KCNH7: variants seen among roughly 807,000 people sequenced by gnomAD.
KCNH7 encodes potassium voltage-gated channel subfamily H member 7, also known as voltage-gated inwardly rectifying potassium channel KCNH7.
In KCNH7, 49 loss-of-function variants were observed where a neutral mutation model predicts 120.8. The ratio of observed to expected loss-of-function variants is 0.41; its 90% CI spans 0.32 to 0.51. KCNH7 has a LOEUF of 0.51. Ranked by LOEUF, KCNH7 falls within the 20% of genes least tolerant of loss-of-function variation. KCNH7 has a pLI of 0.38. For missense variants in KCNH7, 1,097 were observed against 1,446.6 expected (o/e 0.76, Z 3.92); for synonymous variants, 547 against 516.1 (o/e 1.06, Z -0.81).
At chr2:162,562,660 G>A (rs1472144022) in intron 2 of KCNH7, among the ~76,000 whole-genome samples, 1 of 152,162 alleles carries the variant, frequency 6.6e-6, no homozygotes, top group Non-Finnish European at 1.5e-5. Context: ...GGAAGCTGAG[G>A]GTGTTGACAG....
intron 2 of KCNH7, among the ~76,000 whole-genome samples, chr2:162,644,141 G>GA (rs1684268244): frequency 6.6e-6 from 1 of 151,876 alleles, no homozygotes; most frequent in Non-Finnish European, 1.5e-5. Flanking sequence ...GGCAAATTCA[G>GA]AAAAACAAAT....
intron 2 of KCNH7, among the ~76,000 whole-genome samples, chr2:162,738,067 C>CAAAAAAAA (rs58433565): frequency 1.8e-5 from 1 of 56,028 alleles, no homozygotes; most frequent in Non-Finnish European, 4.0e-5. Context: ...GACTTCATAT[C>CAAAAAAAA]AAAAAAAAAA....
intron 6 of KCNH7, among the ~76,000 whole-genome samples, chr2:162,458,112 T>C (rs942349476): frequency 1.2e-4 from 18 of 150,028 alleles, no homozygotes; most frequent in African/African-American, 4.5e-4. Flanking sequence ...TGCGTGTGTG[T>C]GTGTGTGTGT....
intron 2 of KCNH7, among the ~76,000 whole-genome samples, chr2:162,702,013 A>T (rs1315101545): frequency 6.6e-6 from 1 of 152,116 alleles, no homozygotes; most frequent in African/African-American, 2.4e-5. Flanking sequence ...TCTCAAAAAA[A>T]AAAAAGAAAA....
chr2:162,748,946 CCTT>C (rs1235951261), intron 2 of KCNH7, among the ~76,000 whole-genome samples: 1 of 116,492 alleles, frequency 8.6e-6, no homozygotes, highest in African/African-American at 3.5e-5. Flanking sequence ...TTCCTTCCTT[CCTT>C]CCTTCCTTCC....
chr2:162,631,006 A>G (rs545827263), intron 2 of KCNH7, among the ~76,000 whole-genome samples: 1 of 152,190 alleles, frequency 6.6e-6, no homozygotes, highest in East Asian at 1.9e-4. Flanking sequence ...CACCATTCAT[A>G]TTAAACCCAG....
At chr2:162,568,167 G>A (rs755287189) in intron 2 of KCNH7, among the ~76,000 whole-genome samples, 19 of 152,018 alleles carry the variant, frequency 1.2e-4, no homozygotes, top group Non-Finnish European at 2.8e-4. Flanking sequence ...AAAGCCATCA[G>A]ATCCTGTGTG....
chr2:162,528,084 C>A (rs550402833), intron 3 of KCNH7: 2 of 152,006 alleles, frequency 1.3e-5, no homozygotes, highest in South Asian at 4.2e-4. Context: ...CATTGGCAGG[C>A]AATCTGAGTA....
At chr2:162,616,902 G>C (rs1164411526) in intron 2 of KCNH7, among the ~76,000 whole-genome samples, 1 of 152,018 alleles carries the variant, frequency 6.6e-6, no homozygotes, top group African/African-American at 2.4e-5. Context: ...TTTTAAAGAG[G>C]AGCCTTCAGT....
chr2:162,478,079 G>A (rs951660452), intron 6 of KCNH7, among the ~76,000 whole-genome samples: 2 of 152,184 alleles, frequency 1.3e-5, no homozygotes, highest in Non-Finnish European at 2.9e-5. Context: ...TTTAACTCAG[G>A]TTAAGGAAGG....
chr2:162,777,468 C>A (rs1683284056), intron 2 of KCNH7, among the ~76,000 whole-genome samples: 1 of 152,052 alleles, frequency 6.6e-6, no homozygotes, highest in East Asian at 1.9e-4. Context: ...TCCATGGATG[C>A]AGAACCCACT....
intron 2 of KCNH7, among the ~76,000 whole-genome samples, chr2:162,654,747 T>C (rs1684684225): frequency 6.6e-6 from 1 of 152,006 alleles, no homozygotes; most frequent in African/African-American, 2.4e-5. Flanking sequence ...AATCAACAGA[T>C]GAATGGGTAA....
At chr2:162,771,841 A>C (rs574028835) in intron 2 of KCNH7, 1 of 152,278 alleles carries the variant, frequency 6.6e-6, no homozygotes, top group Admixed American at 6.5e-5. Context: ...GTTCACAAAT[A>C]AAATTATTGC....
intron 12 of KCNH7, among the ~76,000 whole-genome samples, chr2:162,392,530 G>T (rs1358577116): frequency 1.3e-5 from 2 of 151,872 alleles, no homozygotes; most frequent in African/African-American, 2.4e-5. Flanking sequence ...GAATAAAAAG[G>T]AAGATGCTCA....
chr2:162,438,156 G>A (rs994188681), intron 7 of KCNH7, among the ~76,000 whole-genome samples: 1 of 152,146 alleles, frequency 6.6e-6, no homozygotes, highest in Non-Finnish European at 1.5e-5. Context: ...GTTAAATGAA[G>A]TGAAAAGCTT....
chr2:162,411,586 T>C (rs898823695), intron 9 of KCNH7, among the ~76,000 whole-genome samples: 6 of 151,860 alleles, frequency 4.0e-5, no homozygotes, highest in Admixed American at 3.9e-4. Context: ...CCTGCATAGG[T>C]ACCCCCAAAC....
At chr2:162,670,731 C>T (rs1457148008) in intron 2 of KCNH7, among the ~76,000 whole-genome samples, 1 of 148,360 alleles carries the variant, frequency 6.7e-6, no homozygotes, top group Non-Finnish European at 1.5e-5. Flanking sequence ...TGAAATAAGA[C>T]CAAAAAAAAC....
chr2:162,694,477 AGTGTGT>A (rs71009366), intron 2 of KCNH7, among the ~76,000 whole-genome samples: 1,603 of 146,386 alleles, frequency 0.011, 23 homozygotes, highest in African/African-American at 0.037. Flanking sequence ...TGTGTGAAAG[AGTGTGT>A]GTGTGTGTGT....
At chr2:162,801,004 T>C (rs1176898553) in intron 2 of KCNH7, among the ~76,000 whole-genome samples, 2 of 151,884 alleles carry the variant, frequency 1.3e-5, no homozygotes, top group Non-Finnish European at 2.9e-5. Flanking sequence ...CATACAAATA[T>C]TGACATTTAT....
Sources: allele counts gnomAD v4.1 joint callset (sites outside exome capture counted in the v4.1 genomes callset), GRCh38; gene constraint gnomAD v4.1.1; transcripts MANE v1.5; gene names NCBI Gene and HGNC (gene_info 2026-07-23, HGNC 2026-07-21).